Variants in ADAMTSL3 observed in about 807,000 individuals in gnomAD.
The protein encoded by ADAMTSL3 is ADAMTS-like protein 3.
In ADAMTSL3, 128 loss-of-function variants were observed where a neutral mutation model predicts 201.7. The ratio of observed to expected loss-of-function variants is 0.63; its 90% CI spans 0.55 to 0.73. ADAMTSL3 has a LOEUF of 0.73. Ranked by LOEUF, ADAMTSL3 falls within the 30% of genes least tolerant of loss-of-function variation. ADAMTSL3 has a pLI of 0.00. For synonymous variants in ADAMTSL3, 738 were observed against 748.4 expected, an observed-to-expected ratio of 0.99 and a Z score of 0.23; for missense variants, 1,990 against 2,119.6, an observed-to-expected ratio of 0.94 and a Z score of 1.20.
intron 13 of ADAMTSL3, among the ~76,000 whole-genome samples, chr15:83,896,600 CAT>C (rs1331189824): frequency 6.6e-6 from 1 of 152,016 alleles, no homozygotes; most frequent in African/African-American, 2.4e-5. Context: ...TAGGGAAAAT[CAT>C]AGGGGGAAAA....
At chr15:83,921,567 A>C (rs1339178317) in intron 16 of ADAMTSL3, among the ~76,000 whole-genome samples, 1 of 152,218 alleles carries the variant, frequency 6.6e-6, no homozygotes, top group African/African-American at 2.4e-5. Flanking sequence ...GTTGTTTGCA[A>C]ATGGCAGAAA....
chr15:83,949,458 C>T (rs2066718848), intron 19 of ADAMTSL3, among the ~76,000 whole-genome samples: 2 of 152,254 alleles, frequency 1.3e-5, no homozygotes, highest in Admixed American at 1.3e-4. Flanking sequence ...GTGAATACGG[C>T]TGTGGTATAC....
At chr15:83,944,989 G>A (rs1027565667) in intron 19 of ADAMTSL3, among the ~76,000 whole-genome samples, 14 of 152,208 alleles carry the variant, frequency 9.2e-5, no homozygotes, top group Middle Eastern at 3.4e-3. Context: ...TGTTTTAACC[G>A]TGTAGTTTTG....
chr15:83,952,248 T>A (rs1009529245), intron 19 of ADAMTSL3, among the ~76,000 whole-genome samples: 1 of 152,212 alleles, frequency 6.6e-6, no homozygotes, highest in Non-Finnish European at 1.5e-5. Flanking sequence ...TTAAATTCCG[T>A]GTATTTGTAC....
chr15:83,862,398 C>T (rs1237810962), intron 8 of ADAMTSL3: 1 of 152,154 alleles, frequency 6.6e-6, no homozygotes, highest in African/African-American at 2.4e-5. Flanking sequence ...AAAGGGAAGC[C>T]CATCAGGCTA....
At position 83,704,496 on chromosome 15, in the gene ADAMTSL3, C is replaced by G. The variant is rs773633811; in HGVS notation, c.177C>G (p.Arg59=). 4.3e-6 allele frequency: 7 copies of G among 1,614,166 alleles called. No homozygotes were observed. Among genetic ancestry groups the G allele is most frequent in the Non-Finnish European group, 5.9e-6 (7 of 1,180,008 alleles). Residue 59 remains arginine, a synonymous_variant, in exon 3 of 30, where the codon CGC becomes CGG. Transcript: ENST00000286744. ...CAGGGGAGCAGTTCCTCACTTATCG[C>G]TATGATGACCAGGTAAGAACATTGG... is the stretch of plus-strand genomic sequence containing the variant. The part of the protein sequence containing the change: ...DTTGEQFLTY[R]YDDQTSRNTR...
At chr15:83,789,095 GC>G (rs2063306726) in intron 4 of ADAMTSL3, among the ~76,000 whole-genome samples, 1 of 152,146 alleles carries the variant, frequency 6.6e-6, no homozygotes, top group Admixed American at 6.5e-5. Flanking sequence ...ACAGGCATGA[GC>G]CACCACACCC....
intron 19 of ADAMTSL3, among the ~76,000 whole-genome samples, chr15:83,953,092 G>C (rs781128395): frequency 7.9e-5 from 12 of 152,084 alleles, no homozygotes; most frequent in Non-Finnish European, 1.5e-4. Flanking sequence ...CAGCCTTTCT[G>C]TGCCTTTTGA....
chr15:83,716,109 A>G (rs2062014081), intron 3 of ADAMTSL3, among the ~76,000 whole-genome samples: 1 of 152,340 alleles, frequency 6.6e-6, no homozygotes, highest in Admixed American at 6.5e-5. Context: ...CTTTTCTGCA[A>G]TTCCCATGGA....
chr15:83,747,867 C>T (rs2062572064), intron 3 of ADAMTSL3, among the ~76,000 whole-genome samples: 1 of 150,920 alleles, frequency 6.6e-6, no homozygotes, highest in Admixed American at 6.6e-5. Flanking sequence ...ATGGGTCATC[C>T]TAGATGGACG....
At chr15:83,966,603 A>T (rs1374180091) in intron 19 of ADAMTSL3, among the ~76,000 whole-genome samples, 3 of 152,186 alleles carry the variant, frequency 2.0e-5, no homozygotes, top group Non-Finnish European at 2.9e-5. Flanking sequence ...AGAGGTACAA[A>T]GAGGAGCTTG....
At chr15:83,837,270 A>C (rs1411063287) in intron 6 of ADAMTSL3, among the ~76,000 whole-genome samples, 2 of 152,034 alleles carry the variant, frequency 1.3e-5, no homozygotes, top group Non-Finnish European at 2.9e-5. Context: ...AAAGATATAG[A>C]TAAAGACTAT....
chr15:83,991,215 G>A lies in ADAMTSL3; in HGVS notation c.3973+1G>A. 6.2e-7 allele frequency: 1 copy of A among 1,614,166 alleles called. No homozygotes were observed. On this transcript the variant is annotated splice_donor_variant, in intron 23 of 29. Transcript: ENST00000286744. LOFTEE classifies it high-confidence loss of function. The stretch of plus-strand genomic sequence containing the variant: ...GTGACAATCCGATGTCCTGTAAAAG[G>A]TAAGTGTGGTCATTTCAGTGGGAGG...
chr15:83,918,189 T>C (rs1318962791), intron 16 of ADAMTSL3, among the ~76,000 whole-genome samples: 1 of 152,238 alleles, frequency 6.6e-6, no homozygotes, highest in African/African-American at 2.4e-5. Context: ...GTAAATAATG[T>C]GGATAATGCC....
intron 19 of ADAMTSL3, among the ~76,000 whole-genome samples, chr15:83,968,032 T>G (rs374775782): frequency 1.3e-5 from 2 of 152,044 alleles, no homozygotes; most frequent in South Asian, 4.1e-4. Flanking sequence ...AAAAATTAAC[T>G]CAAGATGTAT....
intron 3 of ADAMTSL3, among the ~76,000 whole-genome samples, chr15:83,747,256 C>A (rs1007195867): frequency 6.6e-6 from 1 of 152,196 alleles, no homozygotes; most frequent in Admixed American, 6.5e-5. Context: ...CCTCCCTAAT[C>A]CCACACTTGC....
At chr15:84,009,385 T>C (rs906410537) in intron 23 of ADAMTSL3, among the ~76,000 whole-genome samples, 3 of 152,166 alleles carry the variant, frequency 2.0e-5, no homozygotes, top group Non-Finnish European at 4.4e-5. Context: ...TTCAAAGGTA[T>C]AAAATAAAAT....
chr15:84,011,267 T>C (rs1294929947), intron 23 of ADAMTSL3, among the ~76,000 whole-genome samples: 1 of 152,198 alleles, frequency 6.6e-6, no homozygotes, highest in Non-Finnish European at 1.5e-5. Flanking sequence ...AGAAATTTTC[T>C]TGTAGGCTAG....
chr15:83,706,024 G>C (rs1393092062), intron 3 of ADAMTSL3, among the ~76,000 whole-genome samples: 1 of 152,154 alleles, frequency 6.6e-6, no homozygotes, highest in Non-Finnish European at 1.5e-5. Context: ...GCTAATAGGG[G>C]CTAAAACATC....
Sources: gnomAD v4.1 joint callset for allele counts (sites outside exome capture counted in the v4.1 genomes callset) on GRCh38, gnomAD v4.1.1 for gene constraint, MANE v1.5 for transcripts, NCBI Gene and HGNC (gene_info 2026-07-23, HGNC 2026-07-21) for gene names.